Variants in SGCD observed in about 807,000 individuals in gnomAD.
SGCD encodes the protein delta-sarcoglycan.
A neutral mutation model predicts 36.6 loss-of-function variants in SGCD; 18 were observed. The ratio of observed to expected loss-of-function variants is 0.49; its 90% CI spans 0.34 to 0.73. SGCD has a LOEUF of 0.73. Among genes scored for constraint, SGCD ranks in the 30% least tolerant of loss-of-function variants. The pLI is 0.01. For missense variants in SGCD, 387 were observed against 346.7 expected, an observed-to-expected ratio of 1.12 and a Z score of -0.92; for synonymous variants, 133 against 130.6, an observed-to-expected ratio of 1.02 and a Z score of -0.12.
At chr5:155,789,793 G>A in the SGCD span, among the ~76,000 whole-genome samples, 101 of 152,062 alleles carry the variant, frequency 6.6e-4, no homozygotes, top group African/African-American at 2.4e-3. Context: ...CCATTTCATA[G>A]ATAAGAATTC....
the SGCD span, among the ~76,000 whole-genome samples, chr5:155,775,876 A>G: frequency 1.3e-5 from 2 of 152,172 alleles, no homozygotes; most frequent in African/African-American, 4.8e-5. Context: ...AAGGAGAAGT[A>G]GAGTGTTTTG....
At chr5:156,114,694 T>C (rs1260602670) in intron 1 of SGCD, among the ~76,000 whole-genome samples, 1 of 152,118 alleles carries the variant, frequency 6.6e-6, no homozygotes, top group Non-Finnish European at 1.5e-5. Context: ...TGATTAAGAC[T>C]TTTTCCTAAT....
At chr5:156,354,033 A>G (rs755858381) in intron 3 of SGCD, among the ~76,000 whole-genome samples, 2 of 150,276 alleles carry the variant, frequency 1.3e-5, no homozygotes, top group Non-Finnish European at 2.9e-5. Flanking sequence ...ACAGTTGAGT[A>G]TACTATGCTT....
At chr5:156,678,141 G>T (rs1359212698) in intron 7 of SGCD, among the ~76,000 whole-genome samples, 1 of 152,182 alleles carries the variant, frequency 6.6e-6, no homozygotes, top group African/African-American at 2.4e-5. Flanking sequence ...GAACAGGCCT[G>T]TGGTGCCAGA....
At chr5:156,531,517 G>A (rs1757887161) in intron 4 of SGCD, among the ~76,000 whole-genome samples, 2 of 152,092 alleles carry the variant, frequency 1.3e-5, no homozygotes, top group Admixed American at 6.6e-5. Flanking sequence ...TTCTTTCTGT[G>A]GGTAAAGACA....
the SGCD span, among the ~76,000 whole-genome samples, chr5:155,816,912 T>G: frequency 6.6e-6 from 1 of 152,170 alleles, no homozygotes; most frequent in Non-Finnish European, 1.5e-5. Context: ...AAAAAGTAAA[T>G]TCTTTATTAG....
intron 3 of SGCD, among the ~76,000 whole-genome samples, chr5:156,433,120 A>C (rs527871284): frequency 6.6e-6 from 1 of 152,204 alleles, no homozygotes; most frequent in East Asian, 1.9e-4. Context: ...ACTTACAACA[A>C]ATATAAAGTT....
At chr5:156,043,891 G>A (rs1016420165) in intron 1 of SGCD, among the ~76,000 whole-genome samples, 1 of 152,076 alleles carries the variant, frequency 6.6e-6, no homozygotes, top group Non-Finnish European at 1.5e-5. Context: ...AAATCTGTCA[G>A]TTAATCAACA....
chr5:156,317,578 A>T (rs1209127809), intron 3 of SGCD, among the ~76,000 whole-genome samples: 1 of 152,194 alleles, frequency 6.6e-6, no homozygotes, highest in Non-Finnish European at 1.5e-5. Context: ...TCAAAATTAC[A>T]TAAAGTATTC....
the SGCD span, among the ~76,000 whole-genome samples, chr5:155,805,589 C>T: frequency 6.6e-6 from 1 of 152,140 alleles, no homozygotes; most frequent in East Asian, 1.9e-4. Context: ...AGCACTACTG[C>T]CTCCATTTGT....
rs1037416946 is a variant in SGCD, at chr5:155,903,998, G to A, written c.-282+33574G>A. Among the ~76,000 whole-genome samples, 9 of 152,144 alleles carry A rather than the reference G, an allele frequency of 5.9e-5. 1 individual carries two copies. The highest frequency in any genetic ancestry group is 3.3e-4 in the Admixed American group (5 of 15,264). ...TAGCCTGTACTCACCAACTATCAGA[G>A]AGGAGAGGTCCGGAGTATTCCCAGT... is the stretch of plus-strand genomic sequence containing the variant. On this transcript the variant is annotated intron_variant, in intron 1 of 9. Coordinates refer to the SGCD transcript ENST00000517913.
chr5:156,720,396 G>A (rs1755439239), intron 7 of SGCD, among the ~76,000 whole-genome samples: 1 of 152,182 alleles, frequency 6.6e-6, no homozygotes, highest in African/African-American at 2.4e-5. Context: ...CACCTGAAGG[G>A]ACTGAGCCAA....
chr5:156,035,708 A>G (rs1759471667), intron 1 of SGCD, among the ~76,000 whole-genome samples: 1 of 152,246 alleles, frequency 6.6e-6, no homozygotes, highest in South Asian at 2.1e-4. Flanking sequence ...TTGCCTTTCT[A>G]TAATCCAATA....
At chr5:156,505,789 A>G (rs1342266121) in intron 3 of SGCD, among the ~76,000 whole-genome samples, 1 of 152,140 alleles carries the variant, frequency 6.6e-6, no homozygotes, top group Non-Finnish European at 1.5e-5. Flanking sequence ...AAACACACAC[A>G]CACACACACA....
At chr5:156,717,376 C>T (rs1008469351) in intron 7 of SGCD, among the ~76,000 whole-genome samples, 3 of 152,204 alleles carry the variant, frequency 2.0e-5, no homozygotes, top group Admixed American at 1.3e-4. Context: ...CACTGTCATT[C>T]TTCAAAACCA....
chr5:156,267,604 C>A (rs903719264), intron 3 of SGCD, among the ~76,000 whole-genome samples: 2 of 152,168 alleles, frequency 1.3e-5, no homozygotes, highest in South Asian at 4.1e-4. Flanking sequence ...TGTTCTGATG[C>A]CTTCTTCACT....
intron 3 of SGCD, among the ~76,000 whole-genome samples, chr5:156,411,203 A>C (rs1422229624): frequency 1.3e-5 from 2 of 152,228 alleles, no homozygotes; most frequent in Non-Finnish European, 2.9e-5. Context: ...CTCGTGAACC[A>C]TCTGATCCTT....
chr5:155,738,739 T>C, the SGCD span, among the ~76,000 whole-genome samples: 2 of 146,160 alleles, frequency 1.4e-5, no homozygotes, highest in Non-Finnish European at 3.0e-5. Context: ...TGAGAGAGTG[T>C]GTGCATGTGA....
chr5:156,186,902 A>G (rs1376391173), intron 3 of SGCD, among the ~76,000 whole-genome samples: 1 of 152,176 alleles, frequency 6.6e-6, no homozygotes, highest in African/African-American at 2.4e-5. Context: ...TTCCCAAGTC[A>G]ATGGCCTTTA....
Sources: gnomAD v4.1 joint callset for allele counts (sites outside exome capture counted in the v4.1 genomes callset) on GRCh38, gnomAD v4.1.1 for gene constraint, MANE v1.5 for transcripts, NCBI Gene and HGNC (gene_info 2026-07-23, HGNC 2026-07-21) for gene names.